CHST1: variants seen among roughly 807,000 people sequenced by gnomAD.
CHST1 encodes carbohydrate sulfotransferase 1.
A neutral mutation model predicts 22.5 loss-of-function variants in CHST1; 10 were observed. That is an observed-to-expected ratio of 0.44 (90% CI 0.27 to 0.75). CHST1 has a LOEUF of 0.75. CHST1 is among the 30% of genes least tolerant of loss of function. The pLI is 0.15. For synonymous variants in CHST1, 267 were observed against 264.5 expected, an observed-to-expected ratio of 1.01 and a Z score of -0.09; for missense variants, 439 against 576.1, an observed-to-expected ratio of 0.76 and a Z score of 2.44.
In CHST1 at chr11:45,649,515, T is replaced by C. The variant is rs1217153959; in HGVS notation, c.*173A>G. ...GCCCCAGTGATTCCCGTCCAAGACGTAGTGCAAATTTCAGAGACAAAAAAG... is the reference window on the plus strand; with the variant it reads ...GCCCCAGTGATTCCCGTCCAAGACGCAGTGCAAATTTCAGAGACAAAAAAG... On this transcript the variant is annotated 3_prime_UTR_variant, in exon 4 of 4. Transcript: ENST00000308064. The C allele has an allele frequency of 2.9e-6, 2 of 680,412 alleles. No homozygotes were observed. The highest frequency in any genetic ancestry group is 4.8e-6 in the Non-Finnish European group (2 of 413,922). 42.1% of individuals were successfully genotyped at this position (680,412 alleles called of 1,614,324 possible).
At chr11:45,655,727 G>A (rs1444643556) in intron 1 of CHST1, among the ~76,000 whole-genome samples, 2 of 152,236 alleles carry the variant, frequency 1.3e-5, no homozygotes, top group African/African-American at 2.4e-5. Context: ...AGACCTGAAT[G>A]TCACAGGCAG....
In CHST1 at chr11:45,650,495, C is replaced by T. The variant is rs771836041; in HGVS notation, c.429G>A (p.Pro143=). The change falls in exon 4 of 4, where the codon CCG becomes CCA. Residue 143 remains proline, a synonymous_variant. Coordinates refer to ENST00000308064, the MANE Select transcript of CHST1 (RefSeq NM_003654.6). ...YFLENYIKPP[P]VNHTTDRIFR... ...AGATCCTGTCGGTGGTGTGGTTGAC[C>T]GGCGGCGGCTTGATGTAGTTCTCCA... 5.0e-6 allele frequency: 8 copies of T among 1,613,516 alleles called. No individual in the cohort carries two copies. The highest frequency in any genetic ancestry group is 1.6e-4 in the Middle Eastern group (1 of 6,084).
At position 45,648,250 on chromosome 11, in the gene CHST1, G is replaced by T. The variant is rs1851941923; in HGVS notation, c.*1438C>A. Among the ~76,000 whole-genome samples, 2 of 152,156 alleles carry T rather than the reference G, an allele frequency of 1.3e-5. No homozygotes were observed. The highest frequency in any genetic ancestry group is 2.1e-4 in the South Asian group (1 of 4,820). On this transcript the variant is annotated 3_prime_UTR_variant, in exon 4 of 4. Coordinates refer to ENST00000308064, the MANE Select transcript of CHST1 (RefSeq NM_003654.6). ...CTAGACCCAGACCCACCAACTAAAT[G>T]GGTAACATTTAGCACAAGAAGGGAT... is the stretch of plus-strand genomic sequence containing the variant.
rs995838438 is a variant in CHST1 at position 45,648,444 on chromosome 11, G to T, written c.*1244C>A. On this transcript the variant is annotated 3_prime_UTR_variant, in exon 4 of 4. Coordinates refer to ENST00000308064, the MANE Select transcript of CHST1 (RefSeq NM_003654.6). ...AGTCTGCAATCCCAGCACTTTGGGA[G>T]GCTGAGGCAGGAGGAATGCCCAGAG... Among the ~76,000 whole-genome samples the T allele has an allele frequency of 1.3e-5, 2 of 151,980 alleles. No individual in the cohort carries two copies. The highest frequency in any genetic ancestry group is 2.9e-5 in the Non-Finnish European group (2 of 67,980).
At chr11:45,658,294 A>C (rs187884623) in intron 1 of CHST1, among the ~76,000 whole-genome samples, 106 of 152,372 alleles carry the variant, frequency 7.0e-4, no homozygotes, top group African/African-American at 2.2e-3. Context: ...GCAGTGAGAC[A>C]GAAGGCCGAT....
At position 45,650,509 on chromosome 11, in the gene CHST1, T is replaced by C; in HGVS notation, c.415A>G (p.Ile139Val). ...DCDLYFLENYIKPPPVNHTTD... is the reference protein window; with the variant it reads ...DCDLYFLENYVKPPPVNHTTD... The stretch of plus-strand genomic sequence containing the variant: ...GTGTGGTTGACCGGCGGCGGCTTGA[T>C]GTAGTTCTCCAGGAAGTAGAGGTCG... Residue 139 changes from isoleucine (I) to valine (V), a missense_variant, in exon 4 of 4, where the codon ATC becomes GTC. Coordinates refer to ENST00000308064, the MANE Select transcript of CHST1 (RefSeq NM_003654.6). 2 of 1,613,648 alleles carry C rather than the reference T, an allele frequency of 1.2e-6. No individual in the cohort carries two copies. The highest frequency in any genetic ancestry group is 1.7e-6 in the Non-Finnish European group (2 of 1,179,900).
intron 1 of CHST1, among the ~76,000 whole-genome samples, chr11:45,663,464 T>C (rs1852160186): frequency 6.6e-6 from 1 of 152,262 alleles, no homozygotes; most frequent in Non-Finnish European, 1.5e-5. Context: ...ACTTTGGATG[T>C]TGGGGAGGAA....
chr11:45,650,051 C>G lies in CHST1; in HGVS notation c.873G>C (p.Pro291=). ...NSVSTGLMRP[P]WLKGKYMLVR... ...CCAACATGTACTTGCCCTTGAGCCA[C>G]GGGGGCCGCATGAGGCCGGTGGACA... Residue 291 remains proline, a synonymous_variant, in exon 4 of 4, where the codon CCG becomes CCC. Transcript: ENST00000308064. 6.2e-7 allele frequency: 1 copy of G among 1,614,124 alleles called. No homozygotes were observed. Among genetic ancestry groups the G allele is most frequent in the Non-Finnish European group, 8.5e-7 (1 of 1,180,032 alleles).
intron 1 of CHST1, among the ~76,000 whole-genome samples, chr11:45,654,675 C>T (rs2120333278): frequency 6.6e-6 from 1 of 152,348 alleles, no homozygotes; most frequent in Non-Finnish European, 1.5e-5. Flanking sequence ...CAACCTCTGG[C>T]CTGGCCTCCC....
intron 1 of CHST1, among the ~76,000 whole-genome samples, chr11:45,655,452 G>A (rs778981801): frequency 2.0e-5 from 3 of 152,302 alleles, no homozygotes; most frequent in African/African-American, 7.2e-5. Context: ...CACATCCTGC[G>A]GTGCAGCCTC....
chr11:45,660,822 C>T (rs1027154698), intron 1 of CHST1, among the ~76,000 whole-genome samples: 1 of 152,206 alleles, frequency 6.6e-6, no homozygotes, highest in African/African-American at 2.4e-5. Context: ...TCCTAAACAA[C>T]TCACTGACAC....
At position 45,650,969 on chromosome 11, in the gene CHST1, T is replaced by C; in HGVS notation, c.-42-4A>G. ...CTGCTTCTCCAAGGGGTGAGGTCTG[T>C]GGGCAAAGGCGGCCAGCGGTCAGGT... On this transcript the variant is annotated splice_region_variant and splice_polypyrimidine_tract_variant and intron_variant, in intron 3 of 3. Transcript: ENST00000308064. The C allele has an allele frequency of 6.6e-7, 1 of 1,508,056 alleles. No homozygotes were observed. The highest frequency in any genetic ancestry group is 1.4e-5 in the South Asian group (1 of 74,024). The allele number at this position is 1,508,056 out of a possible 1,614,324, so 93.4% of individuals were successfully genotyped here.
chr11:45,660,330 T>A (rs1042728341), intron 1 of CHST1, among the ~76,000 whole-genome samples: 4 of 150,658 alleles, frequency 2.7e-5, no homozygotes, highest in African/African-American at 9.8e-5. Flanking sequence ...GCGAGTGAGG[T>A]CCTCACCTCT....
intron 1 of CHST1, among the ~76,000 whole-genome samples, chr11:45,664,276 C>G (rs1852169507): frequency 6.6e-6 from 1 of 152,224 alleles, no homozygotes; most frequent in Non-Finnish European, 1.5e-5. Context: ...ATGGCCGGCC[C>G]AAGCCCGTCT....
intron 3 of CHST1, chr11:45,651,768 C>T (rs1334717799): frequency 6.6e-6 from 1 of 152,298 alleles, no homozygotes; most frequent in Non-Finnish European, 1.5e-5. Flanking sequence ...CTTAGGGAGT[C>T]AGGGGCCTCC....
intron 1 of CHST1, among the ~76,000 whole-genome samples, chr11:45,654,383 T>C (rs944141294): frequency 6.6e-6 from 1 of 152,228 alleles, no homozygotes; most frequent in Non-Finnish European, 1.5e-5. Flanking sequence ...CCACAGGCCA[T>C]TCCCTTGTAC....
At chr11:45,651,077 T>G in intron 3 of CHST1, 112 bp from the exon 4 acceptor site, 2 of 706,354 alleles carry the variant, frequency 2.8e-6, no homozygotes. Flanking sequence ...TCCTGTCCAG[T>G]GCTCACCACA....
chr11:45,653,390 T>C (rs1483864021), intron 1 of CHST1, among the ~76,000 whole-genome samples: 4 of 152,186 alleles, frequency 2.6e-5, no homozygotes, highest in Non-Finnish European at 5.9e-5. Context: ...TAGGAACTTC[T>C]CAACGTGATC....
intron 1 of CHST1, among the ~76,000 whole-genome samples, chr11:45,661,606 G>A (rs1852134463): frequency 6.6e-6 from 1 of 152,202 alleles, no homozygotes; most frequent in South Asian, 2.1e-4. Context: ...AACTAGCTTG[G>A]GCTCTGGCCA....
Sources: allele counts gnomAD v4.1 joint callset (sites outside exome capture counted in the v4.1 genomes callset), GRCh38; gene constraint gnomAD v4.1.1; transcripts MANE v1.5; gene names NCBI Gene and HGNC (gene_info 2026-07-23, HGNC 2026-07-21).